The following NOMO1 variants were observed in gnomAD, a reference collection of about 807,000 sequenced individuals.
NOMO1 encodes the protein nodal modulator 3.
NOMO1 carries 40 observed loss-of-function variants against 133.8 expected under a neutral mutation model. The ratio of observed to expected loss-of-function variants is 0.30; its 90% CI spans 0.23 to 0.39. The LOEUF (loss-of-function observed/expected upper bound fraction) is 0.39. Ranked by LOEUF, NOMO1 falls within the 10% of genes least tolerant of loss-of-function variation. The pLI, the probability that NOMO1 is intolerant of heterozygous loss-of-function variation, is 1.00. For missense variants in NOMO1, 462 were observed against 1,419.9 expected (o/e 0.33, Z 10.84); for synonymous variants, 236 against 570.5 (o/e 0.41, Z 8.36).
intron 3 of NOMO1, among the ~76,000 whole-genome samples, chr16:14,843,156 TG>T (rs1963630959): frequency 7.4e-6 from 1 of 134,816 alleles, no homozygotes; most frequent in African/African-American, 2.9e-5. Context: ...TGACCTCAAG[TG>T]ATCTGCCCGC....
intron 5 of NOMO1, 33 bp downstream of exon 5, chr16:14,846,716 A>C: frequency 1.2e-6 from 1 of 835,628 alleles, no homozygotes; most frequent in African/African-American, 1.8e-5. Flanking sequence ...GTGTTGCCTT[A>C]GAGCCGGGCT....
chr16:14,878,100 A>G (rs1964186463), intron 22 of NOMO1, among the ~76,000 whole-genome samples: 1 of 151,912 alleles, frequency 6.6e-6, no homozygotes. Flanking sequence ...AGAACTGTAC[A>G]TATAACATGC....
In NOMO1 at chr16:14,857,536, T is replaced by A; in HGVS notation, c.1101T>A (p.Leu367=). 1 of 1,606,574 alleles carries A rather than the reference T, an allele frequency of 6.2e-7. No individual in the cohort carries two copies. The highest frequency in any genetic ancestry group is 1.1e-5 in the South Asian group (1 of 90,812). ...CAAAAGCTGATGGCTCATTCCGCCT[T>A]GAGAACATAACCACAGGGACATACA... ...VKTKADGSFR[L]ENITTGTYTI... Residue 367 remains leucine, a synonymous_variant, in exon 11 of 31, where the codon CTT becomes CTA. Coordinates refer to ENST00000287667, the MANE Select transcript of NOMO1 (RefSeq NM_014287.4).
At chr16:14,883,372 T>C (rs1450346298) in intron 26 of NOMO1, among the ~76,000 whole-genome samples, 2 of 150,634 alleles carry the variant, frequency 1.3e-5, no homozygotes, top group Non-Finnish European at 3.0e-5. Context: ...AGTCTCACCC[T>C]GTCACGCAGG....
intron 6 of NOMO1, among the ~76,000 whole-genome samples, chr16:14,851,381 A>G (rs1963757248): frequency 6.6e-6 from 1 of 151,762 alleles, no homozygotes; most frequent in African/African-American, 2.4e-5. Context: ...GAATCTGTAC[A>G]CTTTTCTCTG....
In NOMO1 at chr16:14,868,555, A is replaced by C. The variant is rs1964036243; in HGVS notation, c.1814A>C (p.Tyr605Ser). 6.2e-7 allele frequency: 1 copy of C among 1,611,778 alleles called. No homozygotes were observed. The highest frequency in any genetic ancestry group is 2.2e-5 in the East Asian group (1 of 44,842). ...SLSHAITLEF[Y>S]QDGNGRENVG... ...TTGGCTTTGCTTCCTTAGGAATTTT[A>C]TCAGGATGGAAATGGGCGTGAGAAT... is the stretch of plus-strand genomic sequence containing the variant. Residue 605 changes from tyrosine to serine, a missense_variant, in exon 16 of 31, where the codon TAT becomes TCT. Tyr to Ser is a moderately radical substitution (Grantham distance 144, BLOSUM62 -2). Transcript: ENST00000287667.
chr16:14,862,970 T>A (rs771303728), intron 11 of NOMO1, 43 bp from the exon 12 acceptor site: 13 of 1,610,238 alleles, frequency 8.1e-6, no homozygotes, highest in Non-Finnish European at 1.1e-5. Context: ...TTTCCTGTTA[T>A]AATTGAGTCC....
intron 9 of NOMO1, 22 bp from the exon 10 acceptor site, chr16:14,857,195 C>T (rs769609754): frequency 1.2e-6 from 2 of 1,608,288 alleles, no homozygotes; most frequent in Admixed American, 3.3e-5. Context: ...CGAGCACCTT[C>T]TTCTTGTTCT....
At chr16:14,886,610 A>T (rs1597115794) in intron 27 of NOMO1, 151 bp from the exon 28 acceptor site, 1 of 748,098 alleles carries the variant, frequency 1.3e-6, no homozygotes, top group East Asian at 2.7e-5. Context: ...TGACAGAGGG[A>T]TGTGTGATGT....
intron 24 of NOMO1, among the ~76,000 whole-genome samples, chr16:14,880,986 C>CT (rs1287502513): frequency 6.6e-6 from 1 of 150,642 alleles, no homozygotes. Context: ...AAGTTCAAGA[C>CT]CAGCCTAGGC....
At chr16:14,894,400 C>T (rs1352694451) in intron 29 of NOMO1, among the ~76,000 whole-genome samples, 3 of 152,012 alleles carry the variant, frequency 2.0e-5, no homozygotes, top group East Asian at 1.9e-4. Context: ...TCCAGGGCTG[C>T]GCCTGCTGCA....
chr16:14,835,385 C>A (rs977192071), intron 1 of NOMO1, among the ~76,000 whole-genome samples: 2 of 151,154 alleles, frequency 1.3e-5, no homozygotes, highest in African/African-American at 4.9e-5. Context: ...GCACTGGGGA[C>A]AGGACGCGTT....
Position 14,881,709 on chromosome 16 carries a change from T to C in NOMO1, c.3027+24T>C, listed in dbSNP as rs1218057460. On this transcript the variant is annotated intron_variant, in intron 25 of 30. Transcript: ENST00000287667. The stretch of plus-strand genomic sequence containing the variant: ...TGGTGAGACTTGGAATGGGTTTTCT[T>C]TGGGGACTTTTTTTTCATCCTGTGT... 28 of 1,611,214 alleles carry C rather than the reference T, an allele frequency of 1.7e-5. No homozygotes were observed. In the East Asian group the frequency reaches 3.1e-4, roughly 18 times the overall value.
intron 26 of NOMO1, among the ~76,000 whole-genome samples, chr16:14,883,179 T>A (rs955846882): frequency 6.6e-6 from 1 of 151,932 alleles, no homozygotes; most frequent in African/African-American, 2.4e-5. Flanking sequence ...GAAGTAAGGC[T>A]TTTCTCTTAC....
At chr16:14,846,232 G>A (rs911583491) in intron 4 of NOMO1, among the ~76,000 whole-genome samples, 13 of 149,204 alleles carry the variant, frequency 8.7e-5, no homozygotes, top group African/African-American at 3.0e-4. Flanking sequence ...TCACCATGTT[G>A]GCCAGGCTGG....
At chr16:14,887,388 G>A (rs1421686453) in intron 28 of NOMO1, among the ~76,000 whole-genome samples, 1 of 151,648 alleles carries the variant, frequency 6.6e-6, no homozygotes, top group African/African-American at 2.4e-5. Context: ...CCGCCTCCTG[G>A]GTTCACACCA....
chr16:14,870,602 G>C (rs1964067546), intron 16 of NOMO1, among the ~76,000 whole-genome samples: 2 of 147,788 alleles, frequency 1.4e-5, no homozygotes, highest in Admixed American at 6.8e-5. Flanking sequence ...CTGTGGACAT[G>C]TCCTCCTGCC....
intron 15 of NOMO1, among the ~76,000 whole-genome samples, chr16:14,867,776 A>G (rs1380522538): frequency 6.7e-6 from 1 of 149,644 alleles, no homozygotes; most frequent in Non-Finnish European, 1.5e-5. Flanking sequence ...CAAAAACTCG[A>G]CAGGTCGATT....
In NOMO1 at chr16:14,866,550, T is replaced by G; in HGVS notation, c.1670-5T>G. The stretch of plus-strand genomic sequence containing the variant: ...TGTATCCGTTTTTGGTGTTTGCTTT[T>G]GCAGTAAGCATCATGCATGAGGATT... On this transcript the variant is annotated splice_polypyrimidine_tract_variant and splice_region_variant and intron_variant, in intron 14 of 30. Coordinates refer to ENST00000287667, the MANE Select transcript of NOMO1 (RefSeq NM_014287.4). The G allele has an allele frequency of 6.2e-7, 1 of 1,610,320 alleles. No individual in the cohort carries two copies. The highest frequency in any genetic ancestry group is 1.7e-5 in the Admixed American group (1 of 59,972).
Sources: gnomAD v4.1 joint callset for allele counts (sites outside exome capture counted in the v4.1 genomes callset) on GRCh38, gnomAD v4.1.1 for gene constraint, MANE v1.5 for transcripts, NCBI Gene and HGNC (gene_info 2026-07-23, HGNC 2026-07-21) for gene names.